The following LRMDA variants were observed in gnomAD, a reference collection of about 807,000 sequenced individuals.
LRMDA encodes the protein leucine-rich melanocyte differentiation-associated protein.
In LRMDA, 18 loss-of-function variants were observed where a neutral mutation model predicts 29.8. That is an observed-to-expected ratio of 0.60 (90% CI 0.42 to 0.90). The LOEUF is 0.90. Among genes scored for constraint, LRMDA ranks in the 40% least tolerant of loss-of-function variants. The pLI, the probability that LRMDA is intolerant of heterozygous loss-of-function variation, is 0.00. For synonymous variants in LRMDA, 125 were observed against 109.4 expected, an observed-to-expected ratio of 1.14 and a Z score of -0.89; for missense variants, 273 against 273.9, an observed-to-expected ratio of 1.00 and a Z score of 0.02.
At chr10:75,639,920 C>G (rs1434457081) in intron 2 of LRMDA, among the ~76,000 whole-genome samples, 2 of 152,190 alleles carry the variant, frequency 1.3e-5, no homozygotes, top group Non-Finnish European at 2.9e-5. Flanking sequence ...TGGGAAGAGA[C>G]AGCTGGGGTG....
At chr10:76,368,761 T>A (rs939408918) in intron 6 of LRMDA, among the ~76,000 whole-genome samples, 1 of 152,194 alleles carries the variant, frequency 6.6e-6, no homozygotes, top group Non-Finnish European at 1.5e-5. Flanking sequence ...TATTAGTAAT[T>A]GTTTTATAAA....
rs545076584 is a variant in LRMDA at position 76,316,099 on chromosome 10, G to A, written c.517-8302G>A. On this transcript the variant is annotated intron_variant, in intron 5 of 6. Coordinates refer to ENST00000611255, the MANE Select transcript of LRMDA (RefSeq NM_001305581.2). Reference sequence around the variant, plus strand: ...ACTAAAAGAGATTTAACACAAACAGGGCTGAAACACGCCTCTCCGCCTAAC... The same window carrying A: ...ACTAAAAGAGATTTAACACAAACAGAGCTGAAACACGCCTCTCCGCCTAAC... 7.4e-4 allele frequency among the ~76,000 whole-genome samples: 113 copies of A among 152,276 alleles called. 1 individual carries two copies. The highest frequency in any genetic ancestry group is 1.2e-3 in the Non-Finnish European group (81 of 68,010).
intron 5 of LRMDA, among the ~76,000 whole-genome samples, chr10:76,110,884 G>A (rs1849566608): frequency 6.6e-6 from 1 of 152,052 alleles, no homozygotes; most frequent in African/African-American, 2.4e-5. Context: ...CACTACCATA[G>A]CCTGCACCAC....
At chr10:75,506,717 G>C (rs536021374) in intron 2 of LRMDA, among the ~76,000 whole-genome samples, 2 of 152,358 alleles carry the variant, frequency 1.3e-5, no homozygotes, top group South Asian at 4.1e-4. Flanking sequence ...CCGGTGCCCA[G>C]TGACCATGAT....
At chr10:76,102,533 G>T (rs965317768) in intron 5 of LRMDA, among the ~76,000 whole-genome samples, 1 of 152,146 alleles carries the variant, frequency 6.6e-6, no homozygotes, top group African/African-American at 2.4e-5. Context: ...ATGGCCTCCA[G>T]CTCCATCCAT....
chr10:76,461,346 G>A (rs1195675696), intron 6 of LRMDA, among the ~76,000 whole-genome samples: 1 of 152,082 alleles, frequency 6.6e-6, no homozygotes, highest in African/African-American at 2.4e-5. Flanking sequence ...GAACTTCACT[G>A]CCAGTGAACT....
In LRMDA at chr10:76,272,787, C is replaced by T. The variant is rs545188977; in HGVS notation, c.517-51614C>T. Among the ~76,000 whole-genome samples the T allele has an allele frequency of 5.9e-5, 9 of 152,144 alleles. No homozygotes were observed. In the South Asian group the frequency reaches 6.2e-4, roughly 11 times the overall value. ...GGAGGCCTGAGGAAACTTACAATCA[C>T]GGTGGAAGGCAAAGGAGAAGCGACA... On this transcript the variant is annotated intron_variant, in intron 5 of 6. Coordinates refer to ENST00000611255, the MANE Select transcript of LRMDA (RefSeq NM_001305581.2).
intron 2 of LRMDA, among the ~76,000 whole-genome samples, chr10:75,465,916 T>A (rs563660393): frequency 1.2e-3 from 178 of 152,370 alleles, no homozygotes; most frequent in Non-Finnish European, 2.1e-3. Flanking sequence ...TCTTACACCC[T>A]GCTCACCCCC....
intron 5 of LRMDA, among the ~76,000 whole-genome samples, chr10:76,081,833 G>A (rs117175900): frequency 1.4e-3 from 206 of 152,224 alleles, no homozygotes; most frequent in Non-Finnish European, 2.2e-3. Context: ...TTACTATATA[G>A]CTATATATGC....
chr10:75,523,965 A>G (rs546205875), intron 2 of LRMDA, among the ~76,000 whole-genome samples: 3 of 152,332 alleles, frequency 2.0e-5, no homozygotes, highest in African/African-American at 7.2e-5. Flanking sequence ...TTGGCTTTGA[A>G]TAGGCCTTTT....
At chr10:75,758,757 T>G (rs971628184) in intron 2 of LRMDA, among the ~76,000 whole-genome samples, 1 of 152,248 alleles carries the variant, frequency 6.6e-6, no homozygotes, top group African/African-American at 2.4e-5. Context: ...TTACACTGTT[T>G]AATATTCGTG....
At chr10:76,354,948 C>T (rs1412487636) in intron 6 of LRMDA, among the ~76,000 whole-genome samples, 1 of 152,168 alleles carries the variant, frequency 6.6e-6, no homozygotes, top group Admixed American at 6.6e-5. Flanking sequence ...AGCCTCTCTT[C>T]ATCCCCCTGC....
intron 5 of LRMDA, among the ~76,000 whole-genome samples, chr10:76,096,103 GC>G (rs1849307754): frequency 6.6e-6 from 1 of 152,002 alleles, no homozygotes; most frequent in Non-Finnish European, 1.5e-5. Context: ...CTTTTGAAGA[GC>G]AAAAGTTTTA....
chr10:76,024,551 C>T (rs1848029762), intron 2 of LRMDA, among the ~76,000 whole-genome samples: 1 of 152,182 alleles, frequency 6.6e-6, no homozygotes, highest in Admixed American at 6.5e-5. Context: ...TAGTCTGGGA[C>T]AGAAAACGTG....
chr10:75,781,594 T>C (rs1843384384), intron 2 of LRMDA, among the ~76,000 whole-genome samples: 1 of 152,198 alleles, frequency 6.6e-6, no homozygotes, highest in Non-Finnish European at 1.5e-5. Flanking sequence ...TTGTTCTCAT[T>C]GTAACACAGT....
chr10:75,563,776 G>A (rs7900113), intron 2 of LRMDA, among the ~76,000 whole-genome samples: 16,010 of 152,104 alleles, frequency 0.11, 2,738 homozygotes, highest in African/African-American at 0.36. Context: ...CAGGTCTGTT[G>A]GAGTTTGCTA....
chr10:76,086,471 A>T (rs889987441), intron 5 of LRMDA, among the ~76,000 whole-genome samples: 1 of 152,194 alleles, frequency 6.6e-6, no homozygotes, highest in Admixed American at 6.5e-5. Flanking sequence ...CAAACTCATC[A>T]TTCAGGTTTG....
At chr10:75,968,081 G>A (rs926980960) in intron 2 of LRMDA, among the ~76,000 whole-genome samples, 5 of 152,082 alleles carry the variant, frequency 3.3e-5, no homozygotes, top group African/African-American at 1.2e-4. Flanking sequence ...GGTGGTGAGG[G>A]AGGGGGCTTG....
intron 2 of LRMDA, among the ~76,000 whole-genome samples, chr10:75,875,360 G>A (rs181147823): frequency 1.3e-3 from 194 of 152,364 alleles, no homozygotes; most frequent in African/African-American, 4.4e-3. Flanking sequence ...GGAGTTTGGA[G>A]AAGGATGAGA....
Sources: allele counts gnomAD v4.1 joint callset (sites outside exome capture counted in the v4.1 genomes callset), GRCh38; gene constraint gnomAD v4.1.1; transcripts MANE v1.5; gene names NCBI Gene and HGNC (gene_info 2026-07-23, HGNC 2026-07-21).